Variants in NLRP2 observed in about 807,000 individuals in gnomAD.
NLRP2 encodes the protein NLR family pyrin domain containing 2.
A neutral mutation model predicts 97.2 loss-of-function variants in NLRP2; 107 were observed. That is an observed-to-expected ratio of 1.10 (90% CI 0.94 to 1.29). The LOEUF (loss-of-function observed/expected upper bound fraction) is 1.29, where lower values mean the gene tolerates loss of function less well. Ranked by LOEUF, NLRP2 falls within the 50% of genes most tolerant of loss-of-function variation. NLRP2 has a pLI of 0.00. For missense variants in NLRP2, 1,495 were observed against 1,330.3 expected, an observed-to-expected ratio of 1.12 and a Z score of -1.93; for synonymous variants, 663 against 551.5, an observed-to-expected ratio of 1.20 and a Z score of -2.83.
At chr19:54,990,851 A>C in intron 10 of NLRP2, 179 bp downstream of exon 10, 1 of 675,422 alleles carries the variant, frequency 1.5e-6, no homozygotes, top group South Asian at 1.7e-5. Flanking sequence ...GTAGTAGTAG[A>C]GTAGTAGTAA....
At chr19:54,977,992 G>A (rs1280166509) in intron 4 of NLRP2, among the ~76,000 whole-genome samples, 169 bp downstream of exon 4, 3 of 152,138 alleles carry the variant, frequency 2.0e-5, no homozygotes, top group Non-Finnish European at 2.9e-5. Context: ...TAAGAATAGA[G>A]GGAAGAACGA....
Position 54,983,737 on chromosome 19 carries a change from C to A in NLRP2, c.2030+9C>A, listed in dbSNP as rs542226233. 1.2e-6 allele frequency: 2 copies of A among 1,608,156 alleles called. No individual in the cohort carries two copies. Among genetic ancestry groups the A allele is most frequent in the Non-Finnish European group, 1.7e-6 (2 of 1,179,852 alleles). On this transcript the variant is annotated intron_variant, in intron 6 of 12. Coordinates refer to ENST00000448584, the MANE Select transcript of NLRP2 (RefSeq NM_017852.5). ...GACGCCGAGGTTGAGAGGTGAGAAC[C>A]GTTTCACTCTACCAGTCGTTCCATC...
chr19:54,985,702 AAAG>A (rs1265802646), intron 7 of NLRP2, among the ~76,000 whole-genome samples: 7 of 139,836 alleles, frequency 5.0e-5, no homozygotes, highest in Admixed American at 1.4e-4. Context: ...AAAAAAAGAA[AAAG>A]AAAAAAAGGG....
intron 3 of NLRP2, chr19:54,977,023 C>T (rs367917873): frequency 1.2e-5 from 4 of 329,070 alleles, no homozygotes; most frequent in South Asian, 2.3e-5. Flanking sequence ...CCATGTTGGC[C>T]GGGATGGTCT....
intron 2 of NLRP2, among the ~76,000 whole-genome samples, chr19:54,970,588 G>A (rs1460845357): frequency 6.6e-6 from 1 of 151,754 alleles, no homozygotes; most frequent in Admixed American, 6.6e-5. Context: ...TCTAGGAGGC[G>A]GGGGTTGCTA....
chr19:54,977,740 C>T lies in NLRP2; in HGVS notation c.326-12C>T. On this transcript the variant is annotated splice_polypyrimidine_tract_variant and intron_variant, in intron 3 of 12. Transcript: ENST00000448584. ...ACAGCAACAGGCCTGTAATGCCGCCCTTTTTCTCCAGGGATAACACGGAAA... is the reference window on the plus strand; with the variant it reads ...ACAGCAACAGGCCTGTAATGCCGCCTTTTTTCTCCAGGGATAACACGGAAA... The T allele has an allele frequency of 1.2e-6, 2 of 1,613,746 alleles. No homozygotes were observed. Among genetic ancestry groups the T allele is most frequent in the Non-Finnish European group, 1.7e-6 (2 of 1,179,988 alleles).
intron 1 of NLRP2, among the ~76,000 whole-genome samples, chr19:54,966,825 C>CTTTTTTTTTTTTTTTTTTTTTTTT (rs1044701142): frequency 2.7e-5 from 2 of 74,986 alleles, no homozygotes; most frequent in African/African-American, 5.7e-5. Context: ...CGCGCCCAGC[C>CTTTTTTTTTTTTTTTTTTTTTTTT]TTTTTTTTTT....
chr19:54,984,333 T>C (rs1238386886), intron 6 of NLRP2, among the ~76,000 whole-genome samples: 3 of 101,680 alleles, frequency 3.0e-5, no homozygotes, highest in Non-Finnish European at 5.1e-5. Flanking sequence ...TTTTGTGTTT[T>C]TTTTTTTTTT....
At position 54,994,340 on chromosome 19, in the gene NLRP2, T is replaced by C. The variant is rs2072679849; in HGVS notation, c.2780T>C (p.Leu927Pro). ...LTKLLQEKSSLLCLDLGLNHI... is the reference protein window; with the variant it reads ...LTKLLQEKSSPLCLDLGLNHI... The stretch of plus-strand genomic sequence containing the variant: ...AAGCTTCTCCAAGAAAAATCAAGCC[T>C]GTTGTGTTTGGATCTGGGGCTGAAT... The change falls in exon 11 of 13, where the codon CTG (leucine) becomes CCG (proline). Residue 927 changes from leucine (L) to proline (P), a missense_variant. By Grantham distance (98) the Leu-to-Pro change is moderately conservative. Transcript: ENST00000448584. 6.2e-7 allele frequency: 1 copy of C among 1,614,048 alleles called. No individual in the cohort carries two copies. The highest frequency in any genetic ancestry group is 1.1e-5 in the South Asian group (1 of 91,090).
Position 54,982,796 on chromosome 19 carries a change from C to T in NLRP2, c.1098C>T (p.Ala366=), listed in dbSNP as rs371362790. The change falls in exon 6 of 13, where the codon GCC becomes GCT. Residue 366 remains alanine (A), a synonymous_variant. Transcript: ENST00000448584. ...VEGFLEEDRR[A]YFLRHFGDED... is the part of the protein sequence containing the mutation. ...GCTTCCTGGAGGAGGACAGGAGGGC[C>T]TATTTCCTGAGACACTTTGGAGACG... The T allele has an allele frequency of 6.2e-6, 10 of 1,614,022 alleles. 1 individual carries two copies. Among genetic ancestry groups the T allele is most frequent in the Middle Eastern group, 3.3e-4 (2 of 6,004 alleles).
At chr19:54,999,054 C>G (rs982538815) in intron 12 of NLRP2, among the ~76,000 whole-genome samples, 1 of 150,422 alleles carries the variant, frequency 6.6e-6, no homozygotes, top group Non-Finnish European at 1.5e-5. Context: ...GGCGGCTGGC[C>G]GGTTAGAGGG....
At position 54,985,124 on chromosome 19, in the gene NLRP2, G is replaced by A. The variant is rs777371558; in HGVS notation, c.2108G>A (p.Gly703Asp). ...SIFGSNKDLM[G>D]LAINDSFLSA... Reference sequence around the variant, plus strand: ...TTTGGATCAAATAAGGATCTGATGGGTCTAGCAATCAATGATAGCTTTCTC... The same window carrying A: ...TTTGGATCAAATAAGGATCTGATGGATCTAGCAATCAATGATAGCTTTCTC... Residue 703 changes from glycine (G) to aspartate (D), a missense_variant, in exon 7 of 13, where the codon GGT becomes GAT. Physicochemically the swap from Gly to Asp is moderately conservative, Grantham distance 94. Coordinates refer to ENST00000448584, the MANE Select transcript of NLRP2 (RefSeq NM_017852.5). The A allele has an allele frequency of 3.1e-6, 5 of 1,613,980 alleles. No homozygotes were observed. The East Asian group carries it at 8.9e-5, about 29-fold the overall frequency.
Position 54,982,205 on chromosome 19 carries a change from G to A in NLRP2, c.507G>A (p.Arg169=). The A allele has an allele frequency of 6.2e-7, 1 of 1,614,166 alleles. No homozygotes were observed. The highest frequency in any genetic ancestry group is 8.5e-7 in the Non-Finnish European group (1 of 1,180,038). ...RCRYILKTKF[R]EMWKSWPGDS... is the part of the protein sequence containing the mutation. ...GGTATATATTGAAGACGAAGTTCCG[G>A]GAGATGTGGAAGAGCTGGCCTGGAG... The change falls in exon 6 of 13, where the codon CGG becomes CGA. Residue 169 remains arginine, a synonymous_variant. Coordinates refer to ENST00000448584, the MANE Select transcript of NLRP2 (RefSeq NM_017852.5).
At chr19:54,988,647 A>T (rs896692412) in intron 8 of NLRP2, among the ~76,000 whole-genome samples, 2 of 151,804 alleles carry the variant, frequency 1.3e-5, no homozygotes, top group African/African-American at 4.8e-5. Context: ...CATCTTCCAA[A>T]ATGCTGGGAT....
chr19:54,990,394 G>A, intron 9 of NLRP2, 108 bp from the exon 10 acceptor site: 1 of 1,209,074 alleles, frequency 8.3e-7, no homozygotes, highest in Non-Finnish European at 1.2e-6. Flanking sequence ...ATGATAGAAG[G>A]TGGGGAGTTC....
At chr19:54,992,974 G>A (rs1203384160) in intron 10 of NLRP2, among the ~76,000 whole-genome samples, 5 of 151,972 alleles carry the variant, frequency 3.3e-5, no homozygotes, top group Admixed American at 3.3e-4. Context: ...GCCGGGTAGG[G>A]TCTTTGAGAG....
At chr19:54,967,879 T>C (rs1031796584) in intron 1 of NLRP2, among the ~76,000 whole-genome samples, 1 of 151,680 alleles carries the variant, frequency 6.6e-6, no homozygotes, top group Admixed American at 6.6e-5. Flanking sequence ...TATAAAGAGG[T>C]GTTATACCCT....
intron 10 of NLRP2, chr19:54,991,154 T>G: frequency 5.5e-6 from 1 of 182,408 alleles, no homozygotes; most frequent in East Asian, 1.4e-4. Context: ...TAATGAATGA[T>G]TTGCAAATCA....
rs764969094 is a variant in NLRP2, at chr19:54,970,291, CAG to C, written c.279_280del (p.Glu94SerfsTer7). On this transcript the variant is annotated frameshift_variant and splice_region_variant, in exon 2 of 13. Coordinates refer to ENST00000448584, the MANE Select transcript of NLRP2 (RefSeq NM_017852.5). LOFTEE classifies it high-confidence loss of function. ...DLSERAKDEV[R>X]EAALKSFNKR... ...TGTCTGAGAGAGCAAAGGATGAAGTCAGAGGTGAGTGGAAATCGGTCCACACT... is the reference window on the plus strand; with the variant it reads ...TGTCTGAGAGAGCAAAGGATGAAGTCAGGTGAGTGGAAATCGGTCCACACT... The C allele has an allele frequency of 1.9e-6, 3 of 1,614,096 alleles. No homozygotes were observed. The highest frequency in any genetic ancestry group is 1.7e-5 in the Admixed American group (1 of 59,980).
Sources: gnomAD v4.1 joint callset for allele counts (sites outside exome capture counted in the v4.1 genomes callset) on GRCh38, gnomAD v4.1.1 for gene constraint, MANE v1.5 for transcripts, NCBI Gene and HGNC (gene_info 2026-07-23, HGNC 2026-07-21) for gene names.